Variants in ADGRL2 observed in about 807,000 individuals in gnomAD.
The protein encoded by ADGRL2 is adhesion G protein-coupled receptor L2.
Under a neutral mutation model 157.4 loss-of-function variants are expected in ADGRL2, and 44 were observed. The ratio of observed to expected loss-of-function variants is 0.28; its 90% CI spans 0.22 to 0.36. The LOEUF (loss-of-function observed/expected upper bound fraction) is 0.36, where lower values mean the gene tolerates loss of function less well. Ranked by LOEUF, ADGRL2 falls within the 10% of genes least tolerant of loss-of-function variation. The probability of loss-of-function intolerance (pLI) is 1.00; values close to 1 mark genes in which losing one functional copy is unlikely to be tolerated. For missense variants in ADGRL2, 1,510 were observed against 1,768.9 expected, an observed-to-expected ratio of 0.85 and a Z score of 2.63; for synonymous variants, 585 against 624.7, an observed-to-expected ratio of 0.94 and a Z score of 0.95.
intron 2 of ADGRL2, among the ~76,000 whole-genome samples, chr1:81,517,265 G>A (rs1398310319): frequency 3.9e-5 from 6 of 151,906 alleles, no homozygotes; most frequent in African/African-American, 1.5e-4. Context: ...AAGGTCCAGA[G>A]TTCAAGACCA....
At chr1:81,614,375 T>G (rs1210203456) in intron 3 of ADGRL2, among the ~76,000 whole-genome samples, 1 of 152,212 alleles carries the variant, frequency 6.6e-6, no homozygotes, top group African/African-American at 2.4e-5. Context: ...TCCTAATGGA[T>G]AAACCTAATC....
At chr1:81,950,560 C>A in intron 7 of ADGRL2, 78 bp downstream of exon 7, 2 of 1,323,192 alleles carry the variant, frequency 1.5e-6, no homozygotes, top group Non-Finnish European at 2.1e-6. Flanking sequence ...TGATTTTATT[C>A]AAAGAAAGCG....
intron 3 of ADGRL2, among the ~76,000 whole-genome samples, chr1:81,931,552 C>T (rs923722741): frequency 6.6e-6 from 1 of 152,070 alleles, no homozygotes; most frequent in Admixed American, 6.6e-5. Flanking sequence ...GGAAATGTGA[C>T]TAGAAAAATA....
intron 2 of ADGRL2, among the ~76,000 whole-genome samples, chr1:81,871,781 T>G (rs1181673093): frequency 6.6e-6 from 1 of 152,144 alleles, no homozygotes; most frequent in Non-Finnish European, 1.5e-5. Context: ...TTGATGGGGT[T>G]GTTTGATTTT....
chr1:81,373,545 CT>C (rs2076195996), intron 1 of ADGRL2, among the ~76,000 whole-genome samples: 1 of 152,144 alleles, frequency 6.6e-6, no homozygotes. Flanking sequence ...CTTAGTGATG[CT>C]ACTTACAGGG....
intron 1 of ADGRL2, among the ~76,000 whole-genome samples, chr1:81,307,918 A>T (rs1419834142): frequency 2.6e-5 from 4 of 152,186 alleles, no homozygotes; most frequent in Non-Finnish European, 4.4e-5. Flanking sequence ...CATAAAGAAG[A>T]CATCTACACA....
chr1:81,429,019 T>A (rs149602249), intron 1 of ADGRL2, among the ~76,000 whole-genome samples: 1 of 152,196 alleles, frequency 6.6e-6, no homozygotes, highest in African/African-American at 2.4e-5. Context: ...TAGTGCTTTT[T>A]CAGGAAGAAG....
chr1:81,337,370 G>A (rs12082294), intron 1 of ADGRL2, among the ~76,000 whole-genome samples: 3,351 of 152,200 alleles, frequency 0.022, 131 homozygotes, highest in African/African-American at 0.077. Context: ...GCTGTGGTGC[G>A]GCACAGAGTC....
chr1:81,534,922 G>A (rs997997504), intron 2 of ADGRL2, among the ~76,000 whole-genome samples: 1 of 152,188 alleles, frequency 6.6e-6, no homozygotes, highest in Non-Finnish European at 1.5e-5. Flanking sequence ...AATACTAGGT[G>A]AATATTGTGA....
At chr1:81,465,811 G>T (rs1353788149) in intron 2 of ADGRL2, among the ~76,000 whole-genome samples, 1 of 152,142 alleles carries the variant, frequency 6.6e-6, no homozygotes, top group East Asian at 1.9e-4. Flanking sequence ...AAAGAAAAAT[G>T]AAAATCTCAG....
chr1:81,833,674 T>C (rs888678092), intron 1 of ADGRL2, among the ~76,000 whole-genome samples: 1 of 152,184 alleles, frequency 6.6e-6, no homozygotes, highest in African/African-American at 2.4e-5. Context: ...TCCTTTTAAG[T>C]AATTTTGCGG....
intron 3 of ADGRL2, among the ~76,000 whole-genome samples, chr1:81,909,036 G>A (rs1047177451): frequency 1.3e-5 from 2 of 151,656 alleles, no homozygotes; most frequent in Admixed American, 6.6e-5. Flanking sequence ...CACCAAGCCC[G>A]GCTAATTTTT....
chr1:81,463,760 T>A (rs1211407869), intron 2 of ADGRL2, among the ~76,000 whole-genome samples: 1 of 152,220 alleles, frequency 6.6e-6, no homozygotes, highest in African/African-American at 2.4e-5. Flanking sequence ...AAGGTCGTGT[T>A]CAAGGCTGGG....
intron 11 of ADGRL2, among the ~76,000 whole-genome samples, chr1:81,956,930 G>A (rs1653681145): frequency 6.6e-6 from 1 of 152,074 alleles, no homozygotes; most frequent in African/African-American, 2.4e-5. Context: ...TTGTGCCTGC[G>A]TAAGTCATGA....
rs928319203 is a variant in ADGRL2, at chr1:81,956,113, G to A, written c.2017+53G>A. 15 of 1,318,874 alleles carry A rather than the reference G, an allele frequency of 1.1e-5. No individual in the cohort carries two copies. In the East Asian group the frequency reaches 3.2e-4, roughly 28 times the overall value. The allele number at this position is 1,318,874 out of a possible 1,614,324, so 81.7% of individuals were successfully genotyped here. A position where few individuals can be genotyped will look rare whatever the true frequency, so the allele number is the denominator to read the frequency against. The stretch of plus-strand genomic sequence containing the variant: ...TTTGATTTAGGATATTCATATGTAA[G>A]AGGATGATGTTTCCATTCTGTATCT... On this transcript the variant is annotated intron_variant, in intron 11 of 23. Transcript: ENST00000686636.
chr1:81,563,720 C>T (rs529174440), intron 2 of ADGRL2, among the ~76,000 whole-genome samples: 2 of 152,284 alleles, frequency 1.3e-5, no homozygotes, highest in Admixed American at 1.3e-4. Context: ...CATATTAAAT[C>T]TCCATCCTGC....
At chr1:81,338,108 A>G (rs2100743274) in intron 1 of ADGRL2, among the ~76,000 whole-genome samples, 1 of 152,304 alleles carries the variant, frequency 6.6e-6, no homozygotes, top group East Asian at 1.9e-4. Context: ...CACACCTGTA[A>G]TCCCAGCACG....
At chr1:81,482,669 A>G (rs1174942288) in intron 2 of ADGRL2, among the ~76,000 whole-genome samples, 1 of 152,156 alleles carries the variant, frequency 6.6e-6, no homozygotes, top group Non-Finnish European at 1.5e-5. Context: ...GTATTGCAGC[A>G]TAAAAACATC....
chr1:81,572,806 A>G (rs2080722463), intron 2 of ADGRL2, among the ~76,000 whole-genome samples: 1 of 151,960 alleles, frequency 6.6e-6, no homozygotes, highest in Non-Finnish European at 1.5e-5. Flanking sequence ...AGCACTTATA[A>G]TATGGTAATA....
Sources: allele counts gnomAD v4.1 joint callset (sites outside exome capture counted in the v4.1 genomes callset), GRCh38; gene constraint gnomAD v4.1.1; transcripts MANE v1.5; gene names NCBI Gene and HGNC (gene_info 2026-07-23, HGNC 2026-07-21).